LIFR: variants seen among roughly 807,000 people sequenced by gnomAD.
The protein encoded by LIFR is leukemia inhibitory factor receptor.
LIFR carries 84 observed loss-of-function variants against 122.2 expected under a neutral mutation model. That is an observed-to-expected ratio of 0.69 (90% CI 0.58 to 0.82). The LOEUF (loss-of-function observed/expected upper bound fraction) is 0.82. Among genes scored for constraint, LIFR ranks in the 40% least tolerant of loss-of-function variants. LIFR has a pLI of 0.00. For missense variants in LIFR, 1,294 were observed against 1,311.6 expected (o/e 0.99, Z 0.21); for synonymous variants, 422 against 434.7 (o/e 0.97, Z 0.36).
intron 1 of LIFR, among the ~76,000 whole-genome samples, chr5:38,580,210 TG>T (rs1749536741): frequency 6.6e-6 from 1 of 152,198 alleles, no homozygotes; most frequent in Non-Finnish European, 1.5e-5. Flanking sequence ...CCTCCTCCAC[TG>T]GGATACTCAT....
At chr5:38,549,934 T>A (rs780889532) in intron 1 of LIFR, among the ~76,000 whole-genome samples, 2 of 152,184 alleles carry the variant, frequency 1.3e-5, no homozygotes, top group Non-Finnish European at 2.9e-5. Context: ...TTTTGGTACA[T>A]CCCAGTAAGT....
intron 16 of LIFR, among the ~76,000 whole-genome samples, chr5:38,487,536 G>T (rs1424747630): frequency 1.3e-5 from 2 of 151,970 alleles, no homozygotes; most frequent in Non-Finnish European, 2.9e-5. Context: ...TATTTATTTT[G>T]CTGTGTATTT....
At position 38,506,562 on chromosome 5, in the gene LIFR, A is replaced by G. The variant is rs1745496336; in HGVS notation, c.1062T>C (p.Asn354=). 1 of 1,613,994 alleles carries G rather than the reference A, an allele frequency of 6.2e-7. No individual in the cohort carries two copies. Among genetic ancestry groups the G allele is most frequent in the Non-Finnish European group, 8.5e-7 (1 of 1,179,878 alleles). Residue 354 remains asparagine (N), a synonymous_variant, in exon 8 of 20, where the codon AAT becomes AAC. Coordinates refer to ENST00000453190, the MANE Select transcript of LIFR (RefSeq NM_001127671.2). ...HDLKEIICSW[N]PGRVTALVGP... ...CCACCAACGCTGTCACCCTTCCTGG[A>G]TTCCAACTACATATAATTTCTTTTA...
At chr5:38,564,986 C>T (rs1748972821) in intron 1 of LIFR, among the ~76,000 whole-genome samples, 1 of 152,038 alleles carries the variant, frequency 6.6e-6, no homozygotes, top group Non-Finnish European at 1.5e-5. Flanking sequence ...CATTGGCCAA[C>T]TGATCTCAAA....
intron 4 of LIFR, 133 bp from the exon 5 acceptor site, chr5:38,523,715 G>T (rs1352508410): frequency 9.5e-6 from 7 of 737,402 alleles, no homozygotes; most frequent in Non-Finnish European, 1.6e-5. Flanking sequence ...GATTTAAAAG[G>T]AAACTCTAGA....
At chr5:38,551,679 T>C (rs1467607444) in intron 1 of LIFR, among the ~76,000 whole-genome samples, 1 of 152,218 alleles carries the variant, frequency 6.6e-6, no homozygotes, top group African/African-American at 2.4e-5. Context: ...ATGATTCCAA[T>C]TCTTTCTCTG....
Position 38,511,888 on chromosome 5 carries a change from C to T in LIFR, c.638G>A (p.Cys213Tyr), listed in dbSNP as rs1436295139. The change falls in exon 6 of 20, where the codon TGT becomes TAT. Residue 213 changes from cysteine to tyrosine, a missense_variant. By Grantham distance (194) the Cys-to-Tyr change is radical. Coordinates refer to ENST00000453190, the MANE Select transcript of LIFR (RefSeq NM_001127671.2). ...TCTAATTTCCACAAAATGAATGGCA[C>T]ATTCCAAGGGCATATCTGAGGCCCA... ...WSWASDMPLE[C>Y]AIHFVEIRCY... 4 of 1,614,006 alleles carry T rather than the reference C, an allele frequency of 2.5e-6. No homozygotes were observed. Among genetic ancestry groups the T allele is most frequent in the African/African-American group, 1.3e-5 (1 of 74,912 alleles).
chr5:38,566,667 TA>T (rs1177932742), intron 1 of LIFR, among the ~76,000 whole-genome samples: 3 of 152,158 alleles, frequency 2.0e-5, no homozygotes, highest in Non-Finnish European at 4.4e-5. Flanking sequence ...TAACATAATG[TA>T]ATGTAATAAT....
rs754796066 is a variant in LIFR at position 38,477,947 on chromosome 5, G to A, written c.*3648C>T. The A allele has an allele frequency of 1.9e-5, 4 of 208,492 alleles. No individual in the cohort carries two copies. The highest frequency in any genetic ancestry group is 1.4e-3 in the Middle Eastern group (1 of 692). 12.9% of individuals were successfully genotyped at this position (208,492 alleles called of 1,614,324 possible). Reference sequence around the variant, plus strand: ...ATAGAGAATAGCAAAAATAACCTTAGAGCAAACAAAAAATTTTATTAGATT... The same window carrying A: ...ATAGAGAATAGCAAAAATAACCTTAAAGCAAACAAAAAATTTTATTAGATT... On this transcript the variant is annotated 3_prime_UTR_variant, in exon 20 of 20. Coordinates refer to ENST00000453190, the MANE Select transcript of LIFR (RefSeq NM_001127671.2).
upstream of LIFR, among the ~76,000 whole-genome samples, chr5:38,598,821 C>T (rs896838950): frequency 1.3e-5 from 2 of 152,130 alleles, no homozygotes; most frequent in East Asian, 1.9e-4. Context: ...CTTCCTTGTC[C>T]GTAAGGAACT....
At chr5:38,526,871 G>A (rs957738794) in intron 4 of LIFR, among the ~76,000 whole-genome samples, 4 of 152,078 alleles carry the variant, frequency 2.6e-5, no homozygotes, top group Non-Finnish European at 5.9e-5. Context: ...ACACCCTAGA[G>A]CAAGGGGCAT....
intron 14 of LIFR, among the ~76,000 whole-genome samples, chr5:38,492,706 A>G (rs1744659897): frequency 6.6e-6 from 1 of 152,170 alleles, no homozygotes; most frequent in Admixed American, 6.5e-5. Flanking sequence ...AGCAAGTAGA[A>G]AGTGTTCCCT....
chr5:38,603,179 G>A (rs1368920836), intron 2 of LIFR, among the ~76,000 whole-genome samples: 1 of 152,254 alleles, frequency 6.6e-6, no homozygotes, highest in East Asian at 1.9e-4. Context: ...TCTCTTCCAC[G>A]TGTTCTTTCC....
intron 1 of LIFR, among the ~76,000 whole-genome samples, chr5:38,582,906 A>T (rs6883795): frequency 1.3e-5 from 2 of 152,038 alleles, no homozygotes; most frequent in African/African-American, 4.8e-5. Context: ...TCCTTCTGAA[A>T]CCTCTCTGAC....
intron 5 of LIFR, among the ~76,000 whole-genome samples, chr5:38,519,349 C>T (rs979543638): frequency 6.6e-6 from 1 of 152,114 alleles, no homozygotes; most frequent in Admixed American, 6.5e-5. Context: ...TTTATTGATA[C>T]ATAGTATTTA....
chr5:38,516,142 T>C (rs989759025), intron 5 of LIFR, among the ~76,000 whole-genome samples: 1 of 152,186 alleles, frequency 6.6e-6, no homozygotes, highest in African/African-American at 2.4e-5. Flanking sequence ...TGCCTTGTCA[T>C]TGGCTGACTT....
At chr5:38,505,723 C>T (rs1745437180) in intron 9 of LIFR, among the ~76,000 whole-genome samples, 182 bp downstream of exon 9, 1 of 151,486 alleles carries the variant, frequency 6.6e-6, no homozygotes, top group Admixed American at 6.6e-5. Flanking sequence ...TATTTAAATT[C>T]AATAAAATAG....
In LIFR at chr5:38,510,609, A is replaced by G. The variant is rs1424621519; in HGVS notation, c.846T>C (p.Ile282=). ...VSQEKVLSAL[I]GHTNCPLIHL... ...GGATCAAGGGGCAGTTTGTATGGCC[A>G]ATCAGTGCTGATAACACTTTTTCTT... Residue 282 remains isoleucine (I), a synonymous_variant, in exon 7 of 20, where the codon ATT becomes ATC. Coordinates refer to ENST00000453190, the MANE Select transcript of LIFR (RefSeq NM_001127671.2). 1 of 1,614,110 alleles carries G rather than the reference A, an allele frequency of 6.2e-7. No homozygotes were observed. Among genetic ancestry groups the G allele is most frequent in the South Asian group, 1.1e-5 (1 of 91,086 alleles).
intron 12 of LIFR, among the ~76,000 whole-genome samples, chr5:38,498,179 C>T (rs1744987086): frequency 6.6e-6 from 1 of 152,316 alleles, no homozygotes; most frequent in East Asian, 1.9e-4. Flanking sequence ...CTCTAAGGGG[C>T]AGGCTTTAGT....
Sources: allele counts gnomAD v4.1 joint callset (sites outside exome capture counted in the v4.1 genomes callset), GRCh38; gene constraint gnomAD v4.1.1; transcripts MANE v1.5; gene names NCBI Gene and HGNC (gene_info 2026-07-23, HGNC 2026-07-21).